RUNX1T1: variants seen among roughly 807,000 people sequenced by gnomAD.
RUNX1T1 encodes the protein protein CBFA2T1.
RUNX1T1 carries 4 observed loss-of-function variants against 62.8 expected under a neutral mutation model. That is an observed-to-expected ratio of 0.06 (90% CI 0.03 to 0.15). The LOEUF is 0.15. Ranked by LOEUF, RUNX1T1 falls within the 10% of genes least tolerant of loss-of-function variation. The probability of loss-of-function intolerance (pLI) is 1.00; values close to 1 mark genes in which losing one functional copy is unlikely to be tolerated. For synonymous variants in RUNX1T1, 291 were observed against 286.0 expected (o/e 1.02, Z -0.18); for missense variants, 508 against 754.3 (o/e 0.67, Z 3.82).
At chr8:92,046,862 T>C (rs1434444037) in intron 1 of RUNX1T1, among the ~76,000 whole-genome samples, 1 of 152,008 alleles carries the variant, frequency 6.6e-6, no homozygotes, top group Non-Finnish European at 1.5e-5. Context: ...CAACAACAAA[T>C]AAAACAGAAA....
chr8:92,053,741 A>G (rs1182620556), intron 1 of RUNX1T1, among the ~76,000 whole-genome samples: 2 of 152,058 alleles, frequency 1.3e-5, no homozygotes, highest in Non-Finnish European at 2.9e-5. Flanking sequence ...TTTCTTTTGA[A>G]ATCTCTGTGA....
intron 5 of RUNX1T1, chr8:92,004,448 C>G (rs1820346093): frequency 2.0e-5 from 3 of 152,106 alleles, no homozygotes; most frequent in Admixed American, 2.0e-4. Flanking sequence ...ATGCTTTATT[C>G]AACAATTACT....
chr8:92,092,649 T>C lies in RUNX1T1; in HGVS notation c.-86+6931A>G, dbSNP rs373551061. Among the ~76,000 whole-genome samples, 13 of 152,340 alleles carry C rather than the reference T, an allele frequency of 8.5e-5. No homozygotes were observed. In the East Asian group the frequency reaches 1.3e-3, roughly 16 times the overall value. Reference sequence around the variant, plus strand: ...TAAGGAATAACTATCTGATTTTCAATACATGTATTTAAACAGGTTATTTTA... The same window carrying C: ...TAAGGAATAACTATCTGATTTTCAACACATGTATTTAAACAGGTTATTTTA... On this transcript the variant is annotated intron_variant, in intron 1 of 11. Transcript: ENST00000265814.
chr8:91,979,562 T>C (rs1481153977), intron 8 of RUNX1T1, among the ~76,000 whole-genome samples: 1 of 151,724 alleles, frequency 6.6e-6, no homozygotes, highest in Non-Finnish European at 1.5e-5. Flanking sequence ...GAAAAGTCCT[T>C]CTAAATTAAG....
chr8:92,062,861 C>T (rs1832295781), exon 1 of RUNX1T1: 2 of 1,395,120 alleles, frequency 1.4e-6, no homozygotes, highest in Non-Finnish European at 9.3e-7. Flanking sequence ...ATCACAACCC[C>T]TACCCTCCCC....
At chr8:91,979,128 T>C (rs1814627056) in intron 8 of RUNX1T1, among the ~76,000 whole-genome samples, 1 of 152,208 alleles carries the variant, frequency 6.6e-6, no homozygotes. Flanking sequence ...GTAGTAGGTA[T>C]ACTCCTCAGA....
At position 92,017,534 on chromosome 8, in the gene RUNX1T1, T is replaced by C. The variant is rs1321424017; in HGVS notation, c.8-171A>G. On this transcript the variant is annotated intron_variant, in intron 1 of 10. Coordinates refer to ENST00000396218, the Ensembl canonical transcript of RUNX1T1. ...CAGGATTTTATCATCCAAACCCCAC[T>C]TAAGAAGGTATAGCACAGATGGCAG... 10 of 1,506,238 alleles carry C rather than the reference T, an allele frequency of 6.6e-6. No homozygotes were observed. In the South Asian group the frequency reaches 1.2e-4, roughly 18 times the overall value. The allele number at this position is 1,506,238 out of a possible 1,614,324, so 93.3% of individuals were successfully genotyped here.
chr8:92,031,662 G>T (rs1010491482), intron 1 of RUNX1T1, among the ~76,000 whole-genome samples: 2 of 152,038 alleles, frequency 1.3e-5, no homozygotes, highest in Non-Finnish European at 2.9e-5. Context: ...TAGAGGTTTA[G>T]TTTCACTACG....
chr8:92,102,947 G>C, upstream of RUNX1T1: 2 of 1,491,634 alleles, frequency 1.3e-6, no homozygotes, highest in Non-Finnish European at 1.8e-6. The surrounding 1 kb of genome is among the most constrained non-coding windows in gnomAD (Gnocchi z 4.5). Context: ...GCGGGGCGAC[G>C]GGGCGAGGAC....
Position 91,959,444 on chromosome 8 carries a change from G to GTATATA in RUNX1T1, c.*797_*798insTATATA, listed in dbSNP as rs1370118140. On this transcript the variant is annotated 3_prime_UTR_variant, in exon 11 of 11. Transcript: ENST00000396218. ...TGTGTGTGTGTGTGTGTGTGTGTGT[G>GTATATA]TGTGTGTGTGTGTGTGTGTGTGTAT... The GTATATA allele has an allele frequency of 8.5e-4, 117 of 136,966 alleles. 4 individuals are homozygous for GTATATA. In the South Asian group the frequency reaches 0.011, roughly 13 times the overall value. 8.5% of individuals were successfully genotyped at this position (136,966 alleles called of 1,614,324 possible). A position where few individuals can be genotyped will look rare whatever the true frequency, so the allele number is the denominator to read the frequency against.
At chr8:92,078,745 G>A (rs1405981603) in intron 1 of RUNX1T1, among the ~76,000 whole-genome samples, 2 of 152,178 alleles carry the variant, frequency 1.3e-5, no homozygotes, top group Admixed American at 1.3e-4. Context: ...AAGGATTCTT[G>A]TTACAGAAAT....
At chr8:92,094,393 A>G (rs1207031534) in intron 1 of RUNX1T1, among the ~76,000 whole-genome samples, 2 of 152,200 alleles carry the variant, frequency 1.3e-5, no homozygotes, top group Non-Finnish European at 2.9e-5. Context: ...TTGTGAGTCA[A>G]TAAGACATGT....
intron 9 of RUNX1T1, among the ~76,000 whole-genome samples, chr8:91,974,475 G>GAGA (rs1813496555): frequency 6.6e-6 from 1 of 152,104 alleles, no homozygotes; most frequent in Non-Finnish European, 1.5e-5. Context: ...GGGAAGTGCA[G>GAGA]AGAAAAGACT....
At chr8:92,095,901 G>T (rs753821260) in intron 1 of RUNX1T1, among the ~76,000 whole-genome samples, 1 of 152,122 alleles carries the variant, frequency 6.6e-6, no homozygotes, top group East Asian at 1.9e-4. Context: ...GTCAGAGGAG[G>T]ATCAAGAGCT....
intron 1 of RUNX1T1, among the ~76,000 whole-genome samples, chr8:92,060,719 T>G (rs375440948): frequency 6.6e-6 from 1 of 151,822 alleles, no homozygotes. Flanking sequence ...TCCATTAAAA[T>G]GAACCTATAT....
rs1261530567 is a variant in RUNX1T1, at chr8:92,034,747, CATAT to C, written c.8-17388_8-17385del. ...ATACACACGTATACATATATATACA[CATAT>C]ATATACACACATATACATATATATA... On this transcript the variant is annotated intron_variant, in intron 1 of 10. Transcript: ENST00000396218. 3.4e-5 allele frequency among the ~76,000 whole-genome samples: 5 copies of C among 148,756 alleles called. No homozygotes were observed. The South Asian group carries it at 1.1e-3, about 32-fold the overall frequency.
At chr8:91,999,236 T>A (rs762010458) in intron 5 of RUNX1T1, among the ~76,000 whole-genome samples, 26 of 152,154 alleles carry the variant, frequency 1.7e-4, no homozygotes, top group Non-Finnish European at 3.2e-4. Flanking sequence ...AAATGTGGTA[T>A]GTGAGAGCAG....
At chr8:92,028,083 G>GGC (rs1825566874) in intron 1 of RUNX1T1, among the ~76,000 whole-genome samples, 1 of 98,336 alleles carries the variant, frequency 1.0e-5, no homozygotes, top group Admixed American at 1.2e-4. Context: ...AAATGGGGGG[G>GGC]GGGGTGGGAA....
At chr8:91,976,945 C>T (rs991505942) in intron 8 of RUNX1T1, among the ~76,000 whole-genome samples, 4 of 152,146 alleles carry the variant, frequency 2.6e-5, no homozygotes, top group Non-Finnish European at 5.9e-5. Context: ...GAAATTTTCT[C>T]TATGTGTACA....
Sources: allele counts gnomAD v4.1 joint callset (sites outside exome capture counted in the v4.1 genomes callset), GRCh38; gene constraint gnomAD v4.1.1; non-coding constraint Gnocchi (gnomAD v3.1); transcripts MANE v1.5; gene names NCBI Gene and HGNC (gene_info 2026-07-23, HGNC 2026-07-21).